The following RASGRP1 variants were observed in gnomAD, a reference collection of about 807,000 sequenced individuals.
The protein encoded by RASGRP1 is RAS guanyl-releasing protein 1.
RASGRP1 carries 37 observed loss-of-function variants against 95.1 expected under a neutral mutation model. The observed-to-expected ratio is 0.39, with a 90% confidence interval of 0.30 to 0.51. The LOEUF is 0.51. Among genes scored for constraint, RASGRP1 ranks in the 20% least tolerant of loss-of-function variants. The pLI is 0.80. For missense variants in RASGRP1, 711 were observed against 965.4 expected (o/e 0.74, Z 3.49); for synonymous variants, 325 against 353.4 (o/e 0.92, Z 0.90).
chr15:38,501,317 G>A, intron 12 of RASGRP1, 30 bp from the exon 13 acceptor site: 1 of 1,612,272 alleles, frequency 6.2e-7, no homozygotes, highest in African/African-American at 1.3e-5. Context: ...GCAAGGATGT[G>A]AGTATAAGGG....
chr15:38,514,926 C>T (rs562175592), intron 6 of RASGRP1, among the ~76,000 whole-genome samples: 1 of 152,262 alleles, frequency 6.6e-6, no homozygotes, highest in South Asian at 2.1e-4. Context: ...GACGGGGAGG[C>T]ACTGCCAAAT....
intron 2 of RASGRP1, among the ~76,000 whole-genome samples, chr15:38,552,193 A>G (rs562368285): frequency 6.6e-6 from 1 of 152,336 alleles, no homozygotes; most frequent in Admixed American, 6.5e-5. Context: ...CCACACTGAT[A>G]CATGATTTCC....
chr15:38,501,409 GCTAC>G (rs1302245929), intron 12 of RASGRP1, 122 bp from the exon 13 acceptor site: 1 of 1,147,282 alleles, frequency 8.7e-7, no homozygotes, highest in South Asian at 1.3e-5. Flanking sequence ...TATGGTATGT[GCTAC>G]CTCATGATTA....
intron 1 of RASGRP1, 47 bp from the exon 2 acceptor site, chr15:38,560,052 G>A (rs147065468): frequency 4.1e-6 from 6 of 1,470,024 alleles, no homozygotes; most frequent in African/African-American, 2.8e-5. Context: ...GCAGCTCCAC[G>A]CTCTGAAGGC....
At chr15:38,499,870 G>C (rs960048852) in intron 14 of RASGRP1, among the ~76,000 whole-genome samples, 6 of 152,124 alleles carry the variant, frequency 3.9e-5, no homozygotes, top group Non-Finnish European at 5.9e-5. Context: ...GGCTTCATAA[G>C]GGCTTTTCCC....
chr15:38,509,938 G>A (rs1891434254), intron 8 of RASGRP1, among the ~76,000 whole-genome samples: 1 of 152,132 alleles, frequency 6.6e-6, no homozygotes, highest in Admixed American at 6.5e-5. Flanking sequence ...TGGAGTTCTT[G>A]GAGTCAGACC....
At chr15:38,515,910 AGTGT>A (rs1555401575) in intron 6 of RASGRP1, among the ~76,000 whole-genome samples, 10 of 143,460 alleles carry the variant, frequency 7.0e-5, no homozygotes, top group African/African-American at 2.4e-4. Context: ...AGAGAGAGAG[AGTGT>A]GTGTGTGTGT....
In RASGRP1 at chr15:38,490,067, A is replaced by G. The variant is rs1478986710; in HGVS notation, c.*487T>C. ...ATTGATTAGATCTGAGGTAGTGAAG[A>G]AGGAGCCAGGTTCACAAAGTATGCT... On this transcript the variant is annotated 3_prime_UTR_variant, in exon 17 of 17. Transcript: ENST00000310803. The G allele has an allele frequency of 1.3e-5, 2 of 152,770 alleles. No individual in the cohort carries two copies. Among genetic ancestry groups the G allele is most frequent in the East Asian group, 1.9e-4 (1 of 5,198 alleles). 9.5% of individuals were successfully genotyped at this position (152,770 alleles called of 1,614,324 possible).
chr15:38,524,897 G>A (rs368114675), intron 3 of RASGRP1, among the ~76,000 whole-genome samples: 2 of 151,498 alleles, frequency 1.3e-5, no homozygotes, highest in Non-Finnish European at 2.9e-5. Context: ...GGGAAAGGGA[G>A]GGGGGGTCTG....
chr15:38,496,618 GA>G (rs917387245), intron 15 of RASGRP1, among the ~76,000 whole-genome samples: 81 of 152,254 alleles, frequency 5.3e-4, no homozygotes, highest in Middle Eastern at 3.4e-3. Context: ...ATTAAAAGTT[GA>G]ACATCAAATT....
intron 2 of RASGRP1, among the ~76,000 whole-genome samples, chr15:38,540,230 G>A (rs1421401195): frequency 1.3e-5 from 2 of 152,126 alleles, no homozygotes; most frequent in East Asian, 3.9e-4. Context: ...GGCCATCCCT[G>A]CATTGCCTTT....
chr15:38,508,120 C>A, intron 8 of RASGRP1, 119 bp from the exon 9 acceptor site: 1 of 1,162,242 alleles, frequency 8.6e-7, no homozygotes, highest in Non-Finnish European at 1.2e-6. Context: ...ATTTGTTGAG[C>A]AGGGGGTAAT....
chr15:38,556,844 T>A (rs1893576688), intron 2 of RASGRP1, among the ~76,000 whole-genome samples: 1 of 152,220 alleles, frequency 6.6e-6, no homozygotes, highest in Non-Finnish European at 1.5e-5. Flanking sequence ...TAACAATTAT[T>A]CAGTCTTTCT....
Position 38,503,373 on chromosome 15 carries a change from G to A in RASGRP1, c.1327C>T (p.Leu443=). ...REPRNHRAPP[L]TPSKPPVVVD... is the part of the protein sequence containing the mutation. The stretch of plus-strand genomic sequence containing the variant: ...ACTACTGGTGGCTTTGAAGGTGTTA[G>A]TGGCTAAAATGAAATATTTAGAGAA... Residue 443 remains leucine, a synonymous_variant, in exon 11 of 17, where the codon CTA becomes TTA. Coordinates refer to ENST00000310803, the MANE Select transcript of RASGRP1 (RefSeq NM_005739.4). 1 of 1,601,280 alleles carries A rather than the reference G, an allele frequency of 6.2e-7. No individual in the cohort carries two copies. The highest frequency in any genetic ancestry group is 1.1e-5 in the South Asian group (1 of 89,206).
At chr15:38,535,606 A>G (rs866124462) in intron 2 of RASGRP1, among the ~76,000 whole-genome samples, 1 of 152,156 alleles carries the variant, frequency 6.6e-6, no homozygotes, top group African/African-American at 2.4e-5. Context: ...CTCTTCCCAC[A>G]GCAGAAGCAC....
intron 9 of RASGRP1, among the ~76,000 whole-genome samples, chr15:38,507,497 G>C (rs1183616890): frequency 6.6e-6 from 1 of 152,138 alleles, no homozygotes; most frequent in Non-Finnish European, 1.5e-5. Flanking sequence ...ACAGTCTCTA[G>C]AGTCCCACCA....
chr15:38,499,165 C>T (rs1348554023), intron 14 of RASGRP1: 1 of 698,480 alleles, frequency 1.4e-6, no homozygotes, highest in Non-Finnish European at 2.6e-6. Context: ...ATCTCAGCAT[C>T]AGAAGCAGTA....
chr15:38,509,113 T>A (rs559735187), intron 8 of RASGRP1, among the ~76,000 whole-genome samples: 1 of 152,300 alleles, frequency 6.6e-6, no homozygotes, highest in Non-Finnish European at 1.5e-5. Context: ...TTTCACAATT[T>A]CATAGATGAA....
chr15:38,490,557 A>T lies in RASGRP1; in HGVS notation c.2391T>A (p.Ser797=), dbSNP rs762219429. ...VLAQMEQGDC[S] ...ATTGTGCTACTTAGTTTCTGGGCTA[A>T]GAACAGTCACCCTGCTCCATTTGAG... The change falls in exon 17 of 17, where the codon TCT becomes TCA. Residue 797 remains serine (S), a synonymous_variant. Coordinates refer to ENST00000310803, the MANE Select transcript of RASGRP1 (RefSeq NM_005739.4). 6 of 1,612,270 alleles carry T rather than the reference A, an allele frequency of 3.7e-6. No homozygotes were observed. The Admixed American group carries it at 1.0e-4, about 27-fold the overall frequency.
Sources: allele counts gnomAD v4.1 joint callset (sites outside exome capture counted in the v4.1 genomes callset), GRCh38; gene constraint gnomAD v4.1.1; transcripts MANE v1.5; gene names NCBI Gene and HGNC (gene_info 2026-07-23, HGNC 2026-07-21).